EXOC4: variants seen among roughly 807,000 people sequenced by gnomAD.
EXOC4 encodes SEC8-like 1.
Under a neutral mutation model 107.2 loss-of-function variants are expected in EXOC4, and 71 were observed. The observed-to-expected ratio is 0.66, with a 90% CI of 0.55 to 0.81. The LOEUF is 0.81. Ranked by LOEUF, EXOC4 falls within the 30% of genes least tolerant of loss-of-function variation. The probability of loss-of-function intolerance (pLI) is 0.00; values close to 1 mark genes in which losing one functional copy is unlikely to be tolerated. For synonymous variants in EXOC4, 456 were observed against 441.2 expected (o/e 1.03, Z -0.42); for missense variants, 1,108 against 1,189.6 (o/e 0.93, Z 1.01).
At chr7:133,740,672 A>G (rs1158030771) in intron 10 of EXOC4, among the ~76,000 whole-genome samples, 5 of 152,166 alleles carry the variant, frequency 3.3e-5, no homozygotes, top group South Asian at 2.1e-4. Context: ...AATTAACACT[A>G]TTCAGAATGA....
chr7:133,259,123 C>T (rs1378066484), intron 1 of EXOC4, among the ~76,000 whole-genome samples: 1 of 151,502 alleles, frequency 6.6e-6, no homozygotes, highest in African/African-American at 2.4e-5. Flanking sequence ...CATGTATATA[C>T]ATTTTTTAAA....
At chr7:133,489,393 A>T (rs895255833) in intron 9 of EXOC4, among the ~76,000 whole-genome samples, 9 of 152,208 alleles carry the variant, frequency 5.9e-5, no homozygotes, top group Admixed American at 3.9e-4. Flanking sequence ...AAAACCATGT[A>T]TGTAGTTTAA....
intron 13 of EXOC4, among the ~76,000 whole-genome samples, chr7:133,922,798 A>G (rs2113337): frequency 0.46 from 70,037 of 151,228 alleles, 17,414 homozygotes; most frequent in African/African-American, 0.64. Context: ...GCAGTGAGCC[A>G]AGATTGCACC....
chr7:133,524,608 G>A (rs1208444741), intron 9 of EXOC4, among the ~76,000 whole-genome samples: 2 of 149,886 alleles, frequency 1.3e-5, no homozygotes, highest in South Asian at 2.1e-4. Flanking sequence ...ATCTTGAATT[G>A]ATTTTTGTAT....
rs145635216 is a variant in EXOC4, at chr7:133,586,480, G to C, written c.1418-43565G>C. Among the ~76,000 whole-genome samples the C allele has an allele frequency of 1.5e-4, 23 of 152,234 alleles. No individual in the cohort carries two copies. In the East Asian group the frequency reaches 4.2e-3, roughly 28 times the overall value. On this transcript the variant is annotated intron_variant, in intron 9 of 17. Coordinates refer to ENST00000253861, the MANE Select transcript of EXOC4 (RefSeq NM_021807.4). ...AATGGCTGCATAGTATTCCATGGTC[G>C]TGTATATGTACCACATCTTCTTTAT...
chr7:133,270,008 C>T (rs964873410), intron 1 of EXOC4, among the ~76,000 whole-genome samples: 10 of 152,120 alleles, frequency 6.6e-5, no homozygotes, highest in Admixed American at 3.3e-4. Context: ...CCACAATTCC[C>T]GCGTGTCGTG....
chr7:133,588,800 C>T (rs143504346), intron 9 of EXOC4, among the ~76,000 whole-genome samples: 284 of 152,222 alleles, frequency 1.9e-3, no homozygotes, highest in Non-Finnish European at 3.4e-3. Flanking sequence ...TCGCTTGAAC[C>T]CAGGAGCTGG....
chr7:133,941,821 T>TTCTCTCTCTCTCTCTCTC (rs67720946), intron 14 of EXOC4, among the ~76,000 whole-genome samples: 7,237 of 129,378 alleles, frequency 0.056, 522 homozygotes, highest in Non-Finnish European at 0.071. Flanking sequence ...TGCTTACAGA[T>TTCTCTCTCTCTCTCTCTC]TCTCTCTCTC....
chr7:133,475,606 T>C (rs561748163), intron 8 of EXOC4, 133 bp downstream of exon 8: 3 of 760,292 alleles, frequency 3.9e-6, no homozygotes, highest in African/African-American at 3.6e-5. Context: ...TGAATATATG[T>C]TGAGTTTTAT....
At chr7:133,637,936 T>C (rs1410778551) in intron 10 of EXOC4, among the ~76,000 whole-genome samples, 4 of 152,122 alleles carry the variant, frequency 2.6e-5, no homozygotes, top group African/African-American at 9.7e-5. Context: ...TATCAACCCA[T>C]GTATCTATGC....
At chr7:133,397,729 A>G (rs2150726871) in intron 7 of EXOC4, among the ~76,000 whole-genome samples, 1 of 152,088 alleles carries the variant, frequency 6.6e-6, no homozygotes, top group East Asian at 1.9e-4. Context: ...TGTACTGCAG[A>G]TACACCTTTG....
chr7:133,712,205 C>T (rs528413875), intron 10 of EXOC4, among the ~76,000 whole-genome samples: 4 of 152,036 alleles, frequency 2.6e-5, no homozygotes, highest in South Asian at 2.1e-4. Context: ...TCTGGGAGGC[C>T]GAGGTGGGCA....
chr7:133,477,491 C>T (rs1380394557), intron 8 of EXOC4, among the ~76,000 whole-genome samples: 1 of 152,106 alleles, frequency 6.6e-6, no homozygotes, highest in Non-Finnish European at 1.5e-5. Flanking sequence ...TGATAGGTGT[C>T]TCTTTGTATT....
chr7:134,089,998 A>G, the EXOC4 span, among the ~76,000 whole-genome samples: 6 of 152,206 alleles, frequency 3.9e-5, no homozygotes, highest in African/African-American at 1.4e-4. Flanking sequence ...TACATTTTGG[A>G]AGATATTTTG....
intron 14 of EXOC4, among the ~76,000 whole-genome samples, chr7:133,959,317 T>C (rs762953918): frequency 4.6e-5 from 7 of 151,970 alleles, no homozygotes; most frequent in Non-Finnish European, 8.8e-5. Flanking sequence ...AGAGAAGATA[T>C]TGTATTCATG....
intron 9 of EXOC4, among the ~76,000 whole-genome samples, chr7:133,544,866 A>G (rs1800451083): frequency 6.9e-6 from 1 of 145,614 alleles, no homozygotes; most frequent in African/African-American, 2.6e-5. Context: ...ACTGTTTTTC[A>G]GGGCTCTTTG....
At chr7:133,921,382 T>C (rs1287593713) in intron 13 of EXOC4, among the ~76,000 whole-genome samples, 3 of 152,192 alleles carry the variant, frequency 2.0e-5, no homozygotes, top group Non-Finnish European at 4.4e-5. Flanking sequence ...AGAAACACCC[T>C]CACAGACACA....
At chr7:133,347,927 G>C (rs1795823723) in intron 5 of EXOC4, among the ~76,000 whole-genome samples, 1 of 152,140 alleles carries the variant, frequency 6.6e-6, no homozygotes, top group African/African-American at 2.4e-5. Context: ...AAGGGTAAGA[G>C]AACTGGGAAA....
At chr7:133,671,007 T>C (rs949297396) in intron 10 of EXOC4, among the ~76,000 whole-genome samples, 2 of 152,084 alleles carry the variant, frequency 1.3e-5, no homozygotes, top group Non-Finnish European at 2.9e-5. Context: ...AGCAAAGACT[T>C]GAATGAATTC....
Sources: gnomAD v4.1 joint callset for allele counts (sites outside exome capture counted in the v4.1 genomes callset) on GRCh38, gnomAD v4.1.1 for gene constraint, MANE v1.5 for transcripts, NCBI Gene and HGNC (gene_info 2026-07-23, HGNC 2026-07-21) for gene names.